Variants in COL28A1 observed in about 807,000 individuals in gnomAD.
COL28A1 encodes collagen alpha-1(XXVIII) chain.
A neutral mutation model predicts 150.2 loss-of-function variants in COL28A1; 161 were observed. The ratio of observed to expected loss-of-function variants is 1.07; its 90% CI spans 0.94 to 1.22. The LOEUF is 1.22. COL28A1 is among the 50% of genes most tolerant of loss of function. The pLI, the probability that COL28A1 is intolerant of heterozygous loss-of-function variation, is 0.00. For missense variants in COL28A1, 1,617 were observed against 1,388.3 expected, an observed-to-expected ratio of 1.16 and a Z score of -2.62; for synonymous variants, 552 against 469.7, an observed-to-expected ratio of 1.18 and a Z score of -2.26.
chr7:7,436,433 A>C lies in COL28A1; in HGVS notation c.1822T>G (p.Phe608Val), dbSNP rs774738551. The C allele has an allele frequency of 7.0e-7, 1 of 1,429,616 alleles. No individual in the cohort carries two copies. The highest frequency in any genetic ancestry group is 9.9e-7 in the Non-Finnish European group (1 of 1,011,494). The allele number at this position is 1,429,616 out of a possible 1,614,324, so 88.6% of individuals were successfully genotyped here. Residue 608 changes from phenylalanine (F) to valine (V), a missense_variant, in exon 23 of 35, where the codon TTT becomes GTT. Transcript: ENST00000399429. ...ATAGAAAGTCCAGGTTCTCCCTTAA[A>C]TCCAGGTATCCCAGGTCCTCCTCTA... ...GDRGGPGIPG[F>V]KGEPGLSIRG...
At chr7:7,508,363 T>C (rs182757538) in intron 9 of COL28A1, among the ~76,000 whole-genome samples, 2 of 152,330 alleles carry the variant, frequency 1.3e-5, no homozygotes, top group East Asian at 3.9e-4. Flanking sequence ...ATAATGAACA[T>C]CTTTATGTAT....
intron 27 of COL28A1, among the ~76,000 whole-genome samples, chr7:7,398,483 T>A (rs114396280): frequency 0.015 from 2,340 of 152,300 alleles, 74 homozygotes; most frequent in African/African-American, 0.053. Flanking sequence ...GCTCACAATT[T>A]TGATTTTCTA....
chr7:7,448,494 G>T (rs1278148626), intron 18 of COL28A1, among the ~76,000 whole-genome samples: 1 of 151,696 alleles, frequency 6.6e-6, no homozygotes, highest in African/African-American at 2.4e-5. Context: ...AGTTGATTTG[G>T]CAATTTCTTG....
At chr7:7,524,553 C>G (rs1258674435) in intron 3 of COL28A1, among the ~76,000 whole-genome samples, 7 of 152,142 alleles carry the variant, frequency 4.6e-5, no homozygotes. Flanking sequence ...CATAATTTGA[C>G]TATAAAGTTA....
intron 21 of COL28A1, among the ~76,000 whole-genome samples, chr7:7,439,073 C>T (rs960529002): frequency 1.3e-5 from 2 of 152,202 alleles, no homozygotes; most frequent in East Asian, 1.9e-4. Flanking sequence ...CTCCTGCCTC[C>T]GTCTGACTCA....
At chr7:7,374,038 A>AAAATAT in intron 31 of COL28A1, among the ~76,000 whole-genome samples, 7 of 113,628 alleles carry the variant, frequency 6.2e-5, no homozygotes, top group African/African-American at 2.7e-4. Flanking sequence ...AAAAAAAAAA[A>AAAATAT]ATATATATAT....
chr7:7,384,536 G>A (rs1044358268), intron 27 of COL28A1, among the ~76,000 whole-genome samples: 10 of 152,056 alleles, frequency 6.6e-5, no homozygotes, highest in African/African-American at 2.4e-4. Flanking sequence ...GCTTATAGTT[G>A]TTCTATTTTA....
intron 22 of COL28A1, among the ~76,000 whole-genome samples, chr7:7,436,667 G>A (rs971533622): frequency 4.6e-5 from 7 of 152,166 alleles, no homozygotes; most frequent in African/African-American, 7.2e-5. Flanking sequence ...TACTGCTGTT[G>A]GGAGAAAGTC....
At chr7:7,416,936 G>A (rs906680155) in intron 27 of COL28A1, among the ~76,000 whole-genome samples, 1 of 152,038 alleles carries the variant, frequency 6.6e-6, no homozygotes, top group Admixed American at 6.5e-5. Flanking sequence ...CACAGTTTTA[G>A]AATCAATCTC....
At chr7:7,382,845 G>C (rs777424797) in intron 27 of COL28A1, among the ~76,000 whole-genome samples, 5 of 152,050 alleles carry the variant, frequency 3.3e-5, no homozygotes, top group Non-Finnish European at 7.4e-5. Flanking sequence ...CCATAAGTCT[G>C]CTAAAGCTTG....
intron 27 of COL28A1, among the ~76,000 whole-genome samples, chr7:7,402,600 G>A (rs1783269598): frequency 6.6e-6 from 1 of 152,142 alleles, no homozygotes; most frequent in African/African-American, 2.4e-5. Flanking sequence ...GTTCTATCAG[G>A]CACTAAATAA....
At chr7:7,393,311 C>T (rs1443516290) in intron 27 of COL28A1, among the ~76,000 whole-genome samples, 1 of 152,242 alleles carries the variant, frequency 6.6e-6, no homozygotes, top group Non-Finnish European at 1.5e-5. Context: ...GCAAAGACTG[C>T]CACCTGTTCA....
At chr7:7,402,511 T>G (rs1210805057) in intron 27 of COL28A1, among the ~76,000 whole-genome samples, 1 of 152,188 alleles carries the variant, frequency 6.6e-6, no homozygotes, top group Non-Finnish European at 1.5e-5. Flanking sequence ...TAAAGAAAAT[T>G]GCTTTGTACA....
intron 17 of COL28A1, 82 bp from the exon 18 acceptor site, chr7:7,452,469 C>A: frequency 6.7e-7 from 1 of 1,497,838 alleles, no homozygotes; most frequent in South Asian, 1.4e-5. Flanking sequence ...TGTCTTATAT[C>A]AACAAAGTAA....
rs1044225117 is a variant in COL28A1 at position 7,417,847 on chromosome 7, C to T, written c.2136+12G>A. On this transcript the variant is annotated intron_variant, in intron 27 of 34. Coordinates refer to ENST00000399429, the MANE Select transcript of COL28A1 (RefSeq NM_001037763.3). ...AATCAGAGGTGACTCCAGCACAACC[C>T]TATTCACTTACTTTAATTCCCTGTG... 1.9e-6 allele frequency: 3 copies of T among 1,611,206 alleles called. No homozygotes were observed. The highest frequency in any genetic ancestry group is 2.7e-5 in the African/African-American group (2 of 74,864).
chr7:7,511,200 G>T, intron 8 of COL28A1, 65 bp from the exon 9 acceptor site: 1 of 1,309,746 alleles, frequency 7.6e-7, no homozygotes, highest in Non-Finnish European at 1.1e-6. Context: ...AAGAATGTTT[G>T]TTTGTTTGTT....
intron 27 of COL28A1, among the ~76,000 whole-genome samples, chr7:7,387,308 T>C (rs149028802): frequency 0.015 from 2,253 of 152,216 alleles, 50 homozygotes; most frequent in African/African-American, 0.05. Flanking sequence ...CACATAAAAC[T>C]GCATACTAAA....
intron 11 of COL28A1, among the ~76,000 whole-genome samples, chr7:7,497,789 C>T (rs1003077520): frequency 1.3e-5 from 2 of 152,122 alleles, no homozygotes; most frequent in Non-Finnish European, 2.9e-5. Context: ...ATAAAGTCTA[C>T]TTGGTTGTCA....
chr7:7,541,439 A>G, the COL28A1 span, among the ~76,000 whole-genome samples: 3 of 152,206 alleles, frequency 2.0e-5, no homozygotes, highest in African/African-American at 7.2e-5. Context: ...AATCACATAT[A>G]TAATGTTATT....
Sources: allele counts gnomAD v4.1 joint callset (sites outside exome capture counted in the v4.1 genomes callset), GRCh38; gene constraint gnomAD v4.1.1; transcripts MANE v1.5; gene names NCBI Gene and HGNC (gene_info 2026-07-23, HGNC 2026-07-21).